ABL2: variants seen among roughly 807,000 people sequenced by gnomAD.
ABL2 encodes the protein tyrosine-protein kinase ABL2.
In ABL2, 49 loss-of-function variants were observed where a neutral mutation model predicts 107.7. The observed-to-expected ratio is 0.45, with a 90% CI of 0.36 to 0.58. The LOEUF (loss-of-function observed/expected upper bound fraction) is 0.58, where lower values mean the gene tolerates loss of function less well. ABL2 is among the 20% of genes least tolerant of loss of function. The pLI is 0.00. For synonymous variants in ABL2, 549 were observed against 548.6 expected (o/e 1.00, Z -0.01); for missense variants, 1,245 against 1,457.0 (o/e 0.85, Z 2.37).
At chr1:179,191,874 G>A (rs927690063) in intron 1 of ABL2, among the ~76,000 whole-genome samples, 5 of 152,166 alleles carry the variant, frequency 3.3e-5, no homozygotes, top group Non-Finnish European at 5.9e-5. Context: ...TTACTCAATT[G>A]AAATGAGACA....
intron 1 of ABL2, among the ~76,000 whole-genome samples, chr1:179,195,279 C>T (rs545619228): frequency 6.6e-6 from 1 of 152,220 alleles, no homozygotes; most frequent in African/African-American, 2.4e-5. Context: ...CACAGTAAAA[C>T]TCTGTCTCAA....
intron 1 of ABL2, among the ~76,000 whole-genome samples, chr1:179,224,827 C>A (rs1392772876): frequency 4.1e-4 from 55 of 132,554 alleles, no homozygotes; most frequent in Non-Finnish European, 7.0e-4. Flanking sequence ...CCAGCCTGAG[C>A]AACATAGTGA....
chr1:179,218,763 T>C (rs1033437538), intron 1 of ABL2, among the ~76,000 whole-genome samples: 4 of 152,204 alleles, frequency 2.6e-5, no homozygotes, highest in African/African-American at 9.6e-5. Context: ...CAGCAGCACC[T>C]GTAACACCTG....
In ABL2 at chr1:179,160,235, C is replaced by T. The variant is rs549962258; in HGVS notation, c.158-26861G>A. On this transcript the variant is annotated intron_variant, in intron 1 of 11. Coordinates refer to ENST00000502732, the MANE Select transcript of ABL2 (RefSeq NM_007314.4). ...ATAAATATTAAGTATCTACTTCAGC[C>T]GGGGGTGGTGGCTTACATCTGCAAT... Among the ~76,000 whole-genome samples the T allele has an allele frequency of 1.9e-4, 29 of 151,850 alleles. 2 individuals are homozygous for T. The highest frequency in any genetic ancestry group is 1.5e-3 in the Admixed American group (23 of 15,264).
At chr1:179,150,972 C>A (rs999105352) in intron 1 of ABL2, among the ~76,000 whole-genome samples, 1 of 152,178 alleles carries the variant, frequency 6.6e-6, no homozygotes, top group Non-Finnish European at 1.5e-5. Flanking sequence ...CTCAGATGAT[C>A]ATCAGCATTT....
chr1:179,110,937 G>T lies in ABL2; in HGVS notation c.1652-482C>A, dbSNP rs554383398. 2.7e-4 allele frequency: 402 copies of T among 1,510,746 alleles called. 12 individuals are homozygous for T. The South Asian group carries it at 4.5e-3, about 17-fold the overall frequency. 93.6% of individuals were successfully genotyped at this position (1,510,746 alleles called of 1,614,324 possible). Reference sequence around the variant, plus strand: ...GATACTATTTTGCATGAAAGCTGTGGTTACTCTGCATGCTTGCTAAAATTT... The same window carrying T: ...GATACTATTTTGCATGAAAGCTGTGTTTACTCTGCATGCTTGCTAAAATTT... On this transcript the variant is annotated intron_variant, in intron 10 of 11. Coordinates refer to ENST00000502732, the MANE Select transcript of ABL2 (RefSeq NM_007314.4).
rs564425316 is a variant in ABL2 at position 179,103,755 on chromosome 1, G to C, written c.*3963C>G. 51 of 229,414 alleles carry C rather than the reference G, an allele frequency of 2.2e-4. 1 individual carries two copies. The South Asian group carries it at 6.5e-3, about 29-fold the overall frequency. 14.2% of individuals were successfully genotyped at this position (229,414 alleles called of 1,614,324 possible). A position where few individuals can be genotyped will look rare whatever the true frequency, so the allele number is the denominator to read the frequency against. On this transcript the variant is annotated 3_prime_UTR_variant, in exon 12 of 12. Coordinates refer to ENST00000502732, the MANE Select transcript of ABL2 (RefSeq NM_007314.4). ...TCGGTCTGAGCCACTTTTTTGCAGT[G>C]TCTCACATGGCAGCAGGTATGGTGG...
intron 1 of ABL2, among the ~76,000 whole-genome samples, chr1:179,221,347 T>C (rs575598765): frequency 6.6e-6 from 1 of 152,166 alleles, no homozygotes; most frequent in Non-Finnish European, 1.5e-5. Flanking sequence ...TCCCAGCACG[T>C]TGGGAGGTCA....
intron 1 of ABL2, among the ~76,000 whole-genome samples, chr1:179,219,662 A>C (rs760961479): frequency 6.6e-6 from 1 of 152,238 alleles, no homozygotes; most frequent in Non-Finnish European, 1.5e-5. Flanking sequence ...CACTTACCTT[A>C]CAAGGAAGGT....
chr1:179,198,312 G>C (rs1016582710), intron 1 of ABL2, among the ~76,000 whole-genome samples: 10 of 151,998 alleles, frequency 6.6e-5, no homozygotes, highest in Admixed American at 2.0e-4. Flanking sequence ...AGGGAATCTA[G>C]GCAAAGAGCA....
At chr1:179,118,814 T>A (rs758898506) in intron 6 of ABL2, 50 bp from the exon 7 acceptor site, 1 of 1,569,272 alleles carries the variant, frequency 6.4e-7, no homozygotes, top group South Asian at 1.1e-5. Context: ...ATTCAAACAC[T>A]CCAAACCACT....
chr1:179,226,064 A>AG (rs1663185920), intron 1 of ABL2, among the ~76,000 whole-genome samples: 1 of 149,454 alleles, frequency 6.7e-6, no homozygotes, highest in African/African-American at 2.4e-5. Flanking sequence ...AAAAAAAAAA[A>AG]AAAAAAGAAA....
intron 3 of ABL2, among the ~76,000 whole-genome samples, chr1:179,127,259 G>A (rs1050131159): frequency 6.6e-6 from 1 of 152,074 alleles, no homozygotes; most frequent in Non-Finnish European, 1.5e-5. Context: ...TGTTTAGTGG[G>A]GTGAGGGGAA....
At chr1:179,220,463 T>C (rs1285592769) in intron 1 of ABL2, among the ~76,000 whole-genome samples, 2 of 152,234 alleles carry the variant, frequency 1.3e-5, no homozygotes, top group Non-Finnish European at 2.9e-5. Flanking sequence ...GAGCTGGGTA[T>C]GTGCCGCACA....
rs192582965 is a variant in ABL2, at chr1:179,203,991, A to G, written c.157+25250T>C. On this transcript the variant is annotated intron_variant, in intron 1 of 11. Transcript: ENST00000502732. ...ATAGAAAGAGCTGATGTGAGGATTA[A>G]AAGTTTTAGGCTTTTAAAATATTTC... is the stretch of plus-strand genomic sequence containing the variant. Among the ~76,000 whole-genome samples, 45 of 152,288 alleles carry G rather than the reference A, an allele frequency of 3.0e-4. No individual in the cohort carries two copies. In the East Asian group the frequency reaches 7.5e-3, roughly 25 times the overall value.
chr1:179,182,691 C>T (rs999556904), intron 1 of ABL2, among the ~76,000 whole-genome samples: 2 of 151,990 alleles, frequency 1.3e-5, no homozygotes, highest in Non-Finnish European at 2.9e-5. Context: ...ACTCATAAAC[C>T]TTTTAATCTT....
intron 1 of ABL2, among the ~76,000 whole-genome samples, chr1:179,215,176 G>T (rs1423778833): frequency 2.6e-5 from 4 of 151,334 alleles, no homozygotes; most frequent in Non-Finnish European, 4.4e-5. Context: ...AAAAAAAATT[G>T]GGGAGAAAAT....
At position 179,107,519 on chromosome 1, in the gene ABL2, T is replaced by C; in HGVS notation, c.*199A>G. On this transcript the variant is annotated 3_prime_UTR_variant, in exon 12 of 12. Transcript: ENST00000502732. ...ACTACTGCCTTGCCCCCACTTAATT[T>C]ACCTCTCCTATACTTATGTGGTTTG... The C allele has an allele frequency of 9.2e-7, 1 of 1,088,660 alleles. No individual in the cohort carries two copies. The highest frequency in any genetic ancestry group is 1.2e-6 in the Non-Finnish European group (1 of 802,688). The allele number at this position is 1,088,660 out of a possible 1,614,324, so 67.4% of individuals were successfully genotyped here.
At chr1:179,196,560 G>A (rs1401152523) in intron 1 of ABL2, 1 of 152,118 alleles carries the variant, frequency 6.6e-6, no homozygotes, top group East Asian at 1.9e-4. Flanking sequence ...GGAGTTCCAG[G>A]ACCAGCCTGG....
Sources: gnomAD v4.1 joint callset for allele counts (sites outside exome capture counted in the v4.1 genomes callset) on GRCh38, gnomAD v4.1.1 for gene constraint, MANE v1.5 for transcripts, NCBI Gene and HGNC (gene_info 2026-07-23, HGNC 2026-07-21) for gene names.